The following XKRX variants were observed in gnomAD, a reference collection of about 807,000 sequenced individuals.
The protein encoded by XKRX is XK-related protein 2.
XKRX carries 11 observed loss-of-function variants against 22.4 expected under a neutral mutation model. The observed-to-expected ratio is 0.49, with a 90% confidence interval of 0.31 to 0.81. The LOEUF (loss-of-function observed/expected upper bound fraction) is 0.81, where lower values mean the gene tolerates loss of function less well. Ranked by LOEUF, XKRX falls within the 40% of genes least tolerant of loss-of-function variation. XKRX has a pLI of 0.05. For missense variants in XKRX, 320 were observed against 336.5 expected, an observed-to-expected ratio of 0.95 and a Z score of 0.38; for synonymous variants, 114 against 132.2, an observed-to-expected ratio of 0.86 and a Z score of 0.94.
chrX:100,931,152 A>G (rs2085520357), upstream of XKRX, among the ~76,000 whole-genome samples: 1 of 84,430 alleles, frequency 1.2e-5, no homozygotes, highest in Non-Finnish European at 2.4e-5. Flanking sequence ...AAAATTAAAA[A>G]TAAAAAAAAA....
chrX:100,928,556 C>A lies in XKRX; in HGVS notation c.-252G>T. On this transcript the variant is annotated 5_prime_UTR_variant, in exon 1 of 3. Transcript: ENST00000372956. ...ACTCTTGATTGGCCCCGATTCCAAT[C>A]GTCAACATACTTGCTGTGAAACTTG... 1 of 979,891 alleles carries A rather than the reference C, an allele frequency of 1.0e-6. No individual in the cohort carries two copies. The highest frequency in any genetic ancestry group is 1.3e-6 in the Non-Finnish European group (1 of 782,573). 80.8% of individuals were successfully genotyped at this position (979,891 alleles called of 1,213,427 possible).
intron 1 of XKRX, 21 bp downstream of exon 1, chrX:100,927,949 A>G: frequency 8.6e-7 from 1 of 1,166,883 alleles, no homozygotes; most frequent in East Asian, 3.0e-5. Flanking sequence ...GGGGTAAGGA[A>G]AAGATTTAAA....
intron 1 of XKRX, among the ~76,000 whole-genome samples, chrX:100,925,948 G>A (rs1186285734): frequency 9.0e-6 from 1 of 111,710 alleles, no homozygotes; most frequent in Non-Finnish European, 1.9e-5. Context: ...AGCATCTCCC[G>A]AAAAGTTAGT....
At chrX:100,938,718 C>T in the XKRX span, among the ~76,000 whole-genome samples, 3 of 111,941 alleles carry the variant, frequency 2.7e-5, no homozygotes, top group Admixed American at 9.5e-5. Context: ...TCTCTAAGAT[C>T]TCTTCTAGCT....
At chrX:100,900,653 G>GA in the XKRX span, among the ~76,000 whole-genome samples, 3 of 107,107 alleles carry the variant, frequency 2.8e-5, no homozygotes, top group Non-Finnish European at 5.8e-5. Flanking sequence ...TTAAAAAAAA[G>GA]AAAAAAAAGA....
intron 1 of XKRX, among the ~76,000 whole-genome samples, chrX:100,924,228 A>G (rs1489120990): frequency 9.1e-6 from 1 of 110,048 alleles, no homozygotes; most frequent in Non-Finnish European, 1.9e-5. Flanking sequence ...AGGAAAAAAA[A>G]TATCTCATAT....
At position 100,915,027 on chromosome X, in the gene XKRX, T is replaced by C; in HGVS notation, c.661A>G (p.Met221Val). 3 of 1,211,154 alleles carry C rather than the reference T, an allele frequency of 2.5e-6. No homozygotes were observed. The highest frequency in any genetic ancestry group is 3.4e-6 in the Non-Finnish European group (3 of 895,325). The change falls in exon 3 of 3, where the codon ATG (methionine) becomes GTG (valine). Residue 221 changes from methionine (M) to valine (V), a missense_variant. By Grantham distance (21) the Met-to-Val change is conservative. Coordinates refer to ENST00000372956, the MANE Select transcript of XKRX (RefSeq NM_212559.3). ...TCGTACTTGATCTGGATAGCCAACA[T>C]ATTGCAAAGGGTGGCCCCATAGGTG... ...SVTYGATLCN[M>V]LAIQIKYDDY... is the part of the protein sequence containing the mutation.
At chrX:100,915,688 CTGTG>C (rs749763658) in intron 2 of XKRX, among the ~76,000 whole-genome samples, 7 of 102,433 alleles carry the variant, frequency 6.8e-5, no homozygotes, top group African/African-American at 1.1e-4. Flanking sequence ...GTGGGTGTGT[CTGTG>C]TGTGTGTGTG....
chrX:100,916,058 GAGT>G (rs1208742956), intron 2 of XKRX, among the ~76,000 whole-genome samples: 1 of 98,553 alleles, frequency 1.0e-5, no homozygotes, highest in Non-Finnish European at 2.0e-5. Flanking sequence ...TTTTTAAAGA[GAGT>G]AGATCTTAAG....
intron 1 of XKRX, 63 bp downstream of exon 1, chrX:100,927,907 C>T: frequency 8.9e-7 from 1 of 1,119,532 alleles, no homozygotes; most frequent in Non-Finnish European, 1.2e-6. Flanking sequence ...AATCTTTCAT[C>T]TTTCTCTGCC....
intron 2 of XKRX, 23 bp from the exon 3 acceptor site, chrX:100,915,106 C>A (rs1395841952): frequency 2.5e-6 from 3 of 1,191,385 alleles, no homozygotes; most frequent in Admixed American, 2.3e-5. Context: ...AAAACAAAAA[C>A]AAAAACAGGC....
chrX:100,907,244 G>A, the XKRX span, among the ~76,000 whole-genome samples: 5 of 111,233 alleles, frequency 4.5e-5, no homozygotes, highest in African/African-American at 1.6e-4. Context: ...CACCCAGTCT[G>A]GGGTGCAGTG....
chrX:100,955,059 GAT>G, the XKRX span, among the ~76,000 whole-genome samples: 10 of 112,073 alleles, frequency 8.9e-5, no homozygotes, highest in South Asian at 3.7e-3. Context: ...AGAATTGTAT[GAT>G]ATGTGAATTA....
chrX:100,953,915 A>C, the XKRX span, among the ~76,000 whole-genome samples: 1 of 108,451 alleles, frequency 9.2e-6, no homozygotes, highest in Non-Finnish European at 1.9e-5. Flanking sequence ...AAAAAAAAAA[A>C]AAAAAAAAAA....
At chrX:100,927,483 T>A (rs1049934204) in intron 1 of XKRX, among the ~76,000 whole-genome samples, 1 of 111,142 alleles carries the variant, frequency 9.0e-6, no homozygotes, top group Non-Finnish European at 1.9e-5. Context: ...ATAAAAATTT[T>A]TTTTTAATTA....
At chrX:100,919,660 C>T (rs2085462302) in intron 2 of XKRX, among the ~76,000 whole-genome samples, 1 of 111,762 alleles carries the variant, frequency 8.9e-6, no homozygotes, top group South Asian at 3.8e-4. Flanking sequence ...TGCTCAGCTT[C>T]ATTCATAACC....
chrX:100,910,996 A>G (rs1400467302), downstream of XKRX: 7 of 561,182 alleles, frequency 1.2e-5, no homozygotes, highest in Non-Finnish European at 2.0e-5. Flanking sequence ...GAGAGGCACA[A>G]TCTCGAGCTA....
upstream of XKRX, among the ~76,000 whole-genome samples, chrX:100,933,931 A>G (rs1410835576): frequency 9.0e-6 from 1 of 111,566 alleles, no homozygotes; most frequent in Non-Finnish European, 1.9e-5. Context: ...AAAGTGTACA[A>G]TTTAGTAGTT....
At chrX:100,907,433 C>T in the XKRX span, among the ~76,000 whole-genome samples, 6 of 111,640 alleles carry the variant, frequency 5.4e-5, no homozygotes, top group Non-Finnish European at 1.1e-4. Context: ...TTCCTAAGTT[C>T]AAGCAATCCT....
Sources: gnomAD v4.1 joint callset for allele counts (sites outside exome capture counted in the v4.1 genomes callset) on GRCh38, gnomAD v4.1.1 for gene constraint, MANE v1.5 for transcripts, NCBI Gene and HGNC (gene_info 2026-07-23, HGNC 2026-07-21) for gene names.